Variants in RBFOX1 observed in about 807,000 individuals in gnomAD.
The protein encoded by RBFOX1 is RNA binding protein fox-1 homolog 1.
Under a neutral mutation model 57.7 loss-of-function variants are expected in RBFOX1, and 8 were observed. That is an observed-to-expected ratio of 0.14 (90% CI 0.08 to 0.25). The LOEUF is 0.25. Among genes scored for constraint, RBFOX1 ranks in the 10% least tolerant of loss-of-function variants. The pLI, the probability that RBFOX1 is intolerant of heterozygous loss-of-function variation, is 1.00. For synonymous variants in RBFOX1, 326 were observed against 222.4 expected (o/e 1.47, Z -4.15); for missense variants, 611 against 548.5 (o/e 1.11, Z -1.14).
At chr16:6,974,336 CTTTTTTTTTTTT>C (rs59299498) in intron 3 of RBFOX1, among the ~76,000 whole-genome samples, 2 of 58,662 alleles carry the variant, frequency 3.4e-5, no homozygotes, top group Non-Finnish European at 6.1e-5. Flanking sequence ...TTTTCTTTTT[CTTTTTTTTTTTT>C]TTTTTTTTTT....
At chr16:7,165,729 C>T (rs950251079) in intron 4 of RBFOX1, among the ~76,000 whole-genome samples, 25 of 151,872 alleles carry the variant, frequency 1.6e-4, no homozygotes, top group Admixed American at 7.2e-4. Context: ...GTGCCTAGCT[C>T]CTCTCCTGGA....
intron 3 of RBFOX1, among the ~76,000 whole-genome samples, chr16:5,785,166 A>G (rs2054458089): frequency 6.6e-6 from 1 of 152,202 alleles, no homozygotes. Context: ...GAGACGGGAC[A>G]TTCAACGGTC....
At chr16:5,534,247 A>G (rs895282084) in intron 2 of RBFOX1, among the ~76,000 whole-genome samples, 7 of 152,252 alleles carry the variant, frequency 4.6e-5, no homozygotes, top group Non-Finnish European at 8.8e-5. Context: ...CAAGTCATAT[A>G]CTGTATTAGA....
intron 4 of RBFOX1, among the ~76,000 whole-genome samples, chr16:7,447,116 G>A (rs566513575): frequency 2.6e-5 from 4 of 152,066 alleles, no homozygotes; most frequent in Non-Finnish European, 5.9e-5. Context: ...TCGGCCTCAA[G>A]GTAGGTCTGG....
At chr16:6,912,459 C>A (rs1440580520) in intron 3 of RBFOX1, among the ~76,000 whole-genome samples, 1 of 152,090 alleles carries the variant, frequency 6.6e-6, no homozygotes, top group African/African-American at 2.4e-5. Flanking sequence ...AGGATCCTTT[C>A]CAGCCCTGCG....
At chr16:5,919,690 G>A (rs1041604144) in intron 4 of RBFOX1, among the ~76,000 whole-genome samples, 5 of 152,106 alleles carry the variant, frequency 3.3e-5, no homozygotes, top group African/African-American at 9.7e-5. Flanking sequence ...GCATTCACAA[G>A]GTTGTGCCAC....
At chr16:7,207,502 C>T (rs1346234776) in intron 4 of RBFOX1, among the ~76,000 whole-genome samples, 3 of 152,090 alleles carry the variant, frequency 2.0e-5, no homozygotes, top group Non-Finnish European at 4.4e-5. Context: ...AGCACAGTGC[C>T]TGCTACATAA....
intron 2 of RBFOX1, among the ~76,000 whole-genome samples, chr16:6,398,766 G>C (rs980549489): frequency 6.6e-6 from 1 of 152,192 alleles, no homozygotes; most frequent in African/African-American, 2.4e-5. Context: ...TTGAGTGTCT[G>C]CAGCTTTTCC....
intron 2 of RBFOX1, among the ~76,000 whole-genome samples, chr16:6,495,752 A>T (rs904684901): frequency 2.6e-5 from 4 of 152,148 alleles, no homozygotes; most frequent in Non-Finnish European, 5.9e-5. Flanking sequence ...CAATAGCAGT[A>T]TGTTCTGCTT....
intron 4 of RBFOX1, among the ~76,000 whole-genome samples, chr16:5,872,549 A>T (rs936991375): frequency 1.3e-5 from 2 of 151,856 alleles, no homozygotes; most frequent in African/African-American, 2.4e-5. Flanking sequence ...TGGGCAACAG[A>T]TGAGGAAGAA....
At chr16:5,895,507 G>A (rs1020151928) in intron 4 of RBFOX1, among the ~76,000 whole-genome samples, 1 of 152,214 alleles carries the variant, frequency 6.6e-6, no homozygotes, top group African/African-American at 2.4e-5. Flanking sequence ...AGGACTCTGC[G>A]TTTTCATTCG....
chr16:5,621,448 A>T (rs1052924023), intron 3 of RBFOX1, among the ~76,000 whole-genome samples: 2 of 152,162 alleles, frequency 1.3e-5, no homozygotes, highest in Non-Finnish European at 2.9e-5. Flanking sequence ...TCGTCTTGAC[A>T]ATGCTCTGTG....
intron 3 of RBFOX1, among the ~76,000 whole-genome samples, chr16:5,633,309 C>A (rs866876064): frequency 1.3e-5 from 2 of 152,138 alleles, no homozygotes; most frequent in Admixed American, 6.5e-5. Flanking sequence ...CCACACACTT[C>A]TGGTTTCTTT....
chr16:6,917,948 G>C (rs1464569486), intron 3 of RBFOX1, among the ~76,000 whole-genome samples: 1 of 152,166 alleles, frequency 6.6e-6, no homozygotes, highest in African/African-American at 2.4e-5. Flanking sequence ...CTCAACCTAA[G>C]TCTCAGGGTA....
At chr16:5,794,554 C>G (rs1009888159) in intron 3 of RBFOX1, among the ~76,000 whole-genome samples, 1 of 151,982 alleles carries the variant, frequency 6.6e-6, no homozygotes, top group Non-Finnish European at 1.5e-5. Flanking sequence ...TTCAGATTTG[C>G]TCATTGGAGA....
intron 1 of RBFOX1, among the ~76,000 whole-genome samples, chr16:5,360,497 G>A (rs1480089881): frequency 6.6e-6 from 1 of 152,232 alleles, no homozygotes; most frequent in East Asian, 1.9e-4. Context: ...ATGGGAGAGA[G>A]TGCACCTTCC....
At chr16:6,805,053 A>T (rs1260080213) in intron 3 of RBFOX1, among the ~76,000 whole-genome samples, 1 of 152,182 alleles carries the variant, frequency 6.6e-6, no homozygotes, top group Non-Finnish European at 1.5e-5. Context: ...TTATATGCAG[A>T]GGAATATAAA....
intron 1 of RBFOX1, among the ~76,000 whole-genome samples, chr16:5,442,924 A>T (rs2068127867): frequency 6.6e-6 from 1 of 152,160 alleles, no homozygotes. Context: ...TCCAGTGTCT[A>T]ATGTCCTTGT....
At chr16:7,495,866 AT>A (rs1365427796) in intron 4 of RBFOX1, among the ~76,000 whole-genome samples, 2 of 150,978 alleles carry the variant, frequency 1.3e-5, no homozygotes, top group Non-Finnish European at 2.9e-5. Context: ...TAAAAAATAA[AT>A]TACTTTTTTT....
Sources: allele counts gnomAD v4.1 joint callset (sites outside exome capture counted in the v4.1 genomes callset), GRCh38; gene constraint gnomAD v4.1.1; transcripts MANE v1.5; gene names NCBI Gene and HGNC (gene_info 2026-07-23, HGNC 2026-07-21).